The following GRHL3 variants were observed in gnomAD, a reference collection of about 807,000 sequenced individuals.
GRHL3 encodes grainyhead like transcription factor 3.
Under a neutral mutation model 70.3 loss-of-function variants are expected in GRHL3, and 20 were observed. The ratio of observed to expected loss-of-function variants is 0.28; its 90% CI spans 0.20 to 0.41. GRHL3 has a LOEUF of 0.41. Among genes scored for constraint, GRHL3 ranks in the 10% least tolerant of loss-of-function variants. The pLI is 1.00. For missense variants in GRHL3, 637 were observed against 762.3 expected, an observed-to-expected ratio of 0.84 and a Z score of 1.94; for synonymous variants, 299 against 299.9, an observed-to-expected ratio of 1.00 and a Z score of 0.03.
At chr1:24,336,864 T>C (rs759002627) in intron 4 of GRHL3, 37 bp downstream of exon 4, 1 of 1,464,578 alleles carries the variant, frequency 6.8e-7, no homozygotes, top group Non-Finnish European at 9.4e-7. Flanking sequence ...AGCATAGATA[T>C]GTGTGTGCAT....
Position 24,321,077 on chromosome 1 carries a change from C to CA in GRHL3, c.17+1516dup, listed in dbSNP as rs911766818. ...GCTATTTTTCCATACTTTGAACGCGCAAAAAAATCTTGACATGTGTCTCCA... is the reference window on the plus strand; with the variant it reads ...GCTATTTTTCCATACTTTGAACGCGCAAAAAAAATCTTGACATGTGTCTCCA... On this transcript the variant is annotated intron_variant, in intron 1 of 15. Transcript: ENST00000361548. The surrounding 1 kb of genome is among the most constrained non-coding windows in gnomAD (Gnocchi z 4.0). Among the ~76,000 whole-genome samples the CA allele has an allele frequency of 2.0e-5, 3 of 152,136 alleles. No individual in the cohort carries two copies. The highest frequency in any genetic ancestry group is 4.8e-5 in the African/African-American group (2 of 41,420).
rs1297909551 is a variant in GRHL3, at chr1:24,336,809, C to T, written c.594C>T (p.Phe198=). The T allele has an allele frequency of 3.1e-6, 5 of 1,605,952 alleles. No individual in the cohort carries two copies. Among genetic ancestry groups the T allele is most frequent in the Middle Eastern group, 1.7e-4 (1 of 6,044 alleles). ...AGCGCTGGCAGCCAGACAGCACCTT[C>T]AAAGATGACCCACAGGAGGTGAGGG... ...PTQRWQPDST[F]KDDPQESMLF... The change falls in exon 4 of 16, where the codon TTC becomes TTT. Residue 198 remains phenylalanine, a synonymous_variant. Coordinates refer to ENST00000361548, the MANE Select transcript of GRHL3 (RefSeq NM_198173.3).
At position 24,319,431 on chromosome 1, in the gene GRHL3, A is replaced by T. The variant is rs1013711474; in HGVS notation, c.-121A>T. ...ACCTACCTGTCAGCAAAATCTCGAC[A>T]CCCAAACCTCAACATAAATCAAACA... On this transcript the variant is annotated 5_prime_UTR_variant, in exon 1 of 16. Coordinates refer to ENST00000361548, the MANE Select transcript of GRHL3 (RefSeq NM_198173.3). 4 of 1,117,438 alleles carry T rather than the reference A, an allele frequency of 3.6e-6. No homozygotes were observed. In the African/African-American group the frequency reaches 6.1e-5, roughly 17 times the overall value. 69.2% of individuals were successfully genotyped at this position (1,117,438 alleles called of 1,614,324 possible). A position where few individuals can be genotyped will look rare whatever the true frequency, so the allele number is the denominator to read the frequency against.
At position 24,331,660 on chromosome 1, in the gene GRHL3, C is replaced by A. The variant is rs374773580; in HGVS notation, c.204+48C>A. ...TGCCCCGTTTTGACTGAATGGGTGT[C>A]TTCACTTCAGGCCTCATGGCTCAGC... On this transcript the variant is annotated intron_variant, in intron 2 of 15. Transcript: ENST00000361548. 348 of 1,539,860 alleles carry A rather than the reference C, an allele frequency of 2.3e-4. 1 individual carries two copies. In the African/African-American group the frequency reaches 4.2e-3, roughly 18 times the overall value.
chr1:24,339,845 G>C, intron 8 of GRHL3, 83 bp downstream of exon 8: 3 of 834,106 alleles, frequency 3.6e-6, no homozygotes, highest in Middle Eastern at 3.4e-4. Context: ...TTGCACCTAG[G>C]ATAGTGTCAT....
chr1:24,354,367 A>C lies in GRHL3; in HGVS notation c.1695-7A>C, dbSNP rs770387570. On this transcript the variant is annotated splice_region_variant and splice_polypyrimidine_tract_variant and intron_variant, in intron 15 of 15. Transcript: ENST00000361548. Reference sequence around the variant, plus strand: ...GTGTTCCAACCACATCCCCTCTTCCATTCCAGAATCTTAGTCAACATGGAC... The same window carrying C: ...GTGTTCCAACCACATCCCCTCTTCCCTTCCAGAATCTTAGTCAACATGGAC... 1 of 1,604,022 alleles carries C rather than the reference A, an allele frequency of 6.2e-7. No homozygotes were observed. The highest frequency in any genetic ancestry group is 1.3e-5 in the African/African-American group (1 of 74,790).
intron 13 of GRHL3, among the ~76,000 whole-genome samples, chr1:24,346,976 C>T (rs1257331587): frequency 6.6e-6 from 1 of 152,142 alleles, no homozygotes; most frequent in Non-Finnish European, 1.5e-5. Context: ...TGATGTCTGG[C>T]TTTCTTGCTT....
chr1:24,362,634 G>T (rs1641196201), intron 15 of GRHL3, among the ~76,000 whole-genome samples: 2 of 152,210 alleles, frequency 1.3e-5, no homozygotes, highest in Non-Finnish European at 2.9e-5. Flanking sequence ...GATGATCCCT[G>T]TGTCAGCATC....
At chr1:24,335,638 A>G (rs140039060) in intron 3 of GRHL3, among the ~76,000 whole-genome samples, 3,386 of 149,284 alleles carry the variant, frequency 0.023, 127 homozygotes, top group African/African-American at 0.08. Context: ...GCTGGAGTGC[A>G]GTGGCGCGGT....
In GRHL3 at chr1:24,343,066, G is replaced by T. The variant is rs777506268; in HGVS notation, c.1419+41G>T. 3.1e-6 allele frequency: 5 copies of T among 1,612,686 alleles called. No homozygotes were observed. The African/African-American group carries it at 6.7e-5, about 22-fold the overall frequency. On this transcript the variant is annotated intron_variant, in intron 11 of 15. Coordinates refer to ENST00000361548, the MANE Select transcript of GRHL3 (RefSeq NM_198173.3). ...GGGTCTCGGGAAGGAGCCGAGAGAG[G>T]GTCCTGGCTCCTAGGTGGGGCCTGC...
chr1:24,339,385 T>G (rs781151527), intron 7 of GRHL3, among the ~76,000 whole-genome samples: 1 of 152,022 alleles, frequency 6.6e-6, no homozygotes, highest in Non-Finnish European at 1.5e-5. Context: ...ACTTAGGCCA[T>G]TCTCCTGCCT....
chr1:24,341,793 C>G (rs575281057), intron 8 of GRHL3, among the ~76,000 whole-genome samples: 2 of 152,218 alleles, frequency 1.3e-5, no homozygotes, highest in African/African-American at 4.8e-5. Flanking sequence ...GACATCCCCC[C>G]CAGTCTCCAC....
chr1:24,339,888 G>A (rs1054760389), intron 8 of GRHL3, 126 bp downstream of exon 8: 2 of 590,900 alleles, frequency 3.4e-6, no homozygotes, highest in Non-Finnish European at 6.0e-6. Flanking sequence ...GGAGGAGGCA[G>A]GATGCAGTGT....
intron 11 of GRHL3, 128 bp downstream of exon 11, chr1:24,343,153 C>G: frequency 9.8e-7 from 1 of 1,023,426 alleles, no homozygotes; most frequent in Non-Finnish European, 1.5e-6. Flanking sequence ...TTTATTGAAT[C>G]ATAGGGGTTT....
intron 15 of GRHL3, among the ~76,000 whole-genome samples, chr1:24,350,721 C>T (rs1640470706): frequency 6.6e-6 from 1 of 152,182 alleles, no homozygotes; most frequent in Non-Finnish European, 1.5e-5. Flanking sequence ...GATTGGGAGT[C>T]ATTTTGAGGG....
chr1:24,335,829 G>A (rs915133123), intron 3 of GRHL3, among the ~76,000 whole-genome samples: 8 of 152,060 alleles, frequency 5.3e-5, no homozygotes, highest in South Asian at 4.1e-4. Context: ...TGATCCGCCC[G>A]CCTCGGCCTC....
chr1:24,356,647 T>G (rs542381199), downstream of GRHL3, among the ~76,000 whole-genome samples: 1 of 152,358 alleles, frequency 6.6e-6, no homozygotes, highest in Non-Finnish European at 1.5e-5. Flanking sequence ...GGCTATAAAA[T>G]GCAGGTCATG....
chr1:24,326,530 C>G (rs1156630195), intron 1 of GRHL3, among the ~76,000 whole-genome samples: 1 of 152,122 alleles, frequency 6.6e-6, no homozygotes, highest in Admixed American at 6.5e-5. Flanking sequence ...CTAATGTTAA[C>G]TGTTTGTTTT....
chr1:24,361,185 T>C (rs1335086538), intron 15 of GRHL3: 1 of 701,812 alleles, frequency 1.4e-6, no homozygotes, highest in East Asian at 2.9e-5. Flanking sequence ...CTAGCTCCAC[T>C]GGTAGTGAGC....
Sources: gnomAD v4.1 joint callset for allele counts (sites outside exome capture counted in the v4.1 genomes callset) on GRCh38, gnomAD v4.1.1 for gene constraint, Gnocchi (gnomAD v3.1) non-coding constraint, MANE v1.5 for transcripts, NCBI Gene and HGNC (gene_info 2026-07-23, HGNC 2026-07-21) for gene names.